The following TEF variants were observed in gnomAD, a reference collection of about 807,000 sequenced individuals.
TEF encodes thyrotroph embryonic factor.
TEF carries 3 observed loss-of-function variants against 20.8 expected under a neutral mutation model. The ratio of observed to expected loss-of-function variants is 0.14; its 90% CI spans 0.07 to 0.37. The LOEUF is 0.37. Among genes scored for constraint, TEF ranks in the 10% least tolerant of loss-of-function variants. The pLI, the probability that TEF is intolerant of heterozygous loss-of-function variation, is 1.00. For missense variants in TEF, 296 were observed against 397.9 expected (o/e 0.74, Z 2.18); for synonymous variants, 180 against 171.1 (o/e 1.05, Z -0.41).
chr22:41,370,827 C>T (rs1228415363), intron 1 of TEF, among the ~76,000 whole-genome samples: 1 of 152,122 alleles, frequency 6.6e-6, no homozygotes, highest in Non-Finnish European at 1.5e-5. Context: ...TCTTTCCTGT[C>T]CCTGGATAAA....
upstream of TEF, chr22:41,381,919 C>G: frequency 8.2e-7 from 1 of 1,226,044 alleles, no homozygotes; most frequent in Non-Finnish European, 1.0e-6. Flanking sequence ...TGGAAGGAGG[C>G]GGGGGCGCCA....
chr22:41,367,638 G>C, intron 1 of TEF: 1 of 1,544,742 alleles, frequency 6.5e-7, no homozygotes, highest in South Asian at 1.2e-5. Flanking sequence ...GGCTGCCCAG[G>C]TACTCGAGGG....
chr22:41,379,232 G>A (rs1286691180), upstream of TEF, among the ~76,000 whole-genome samples: 2 of 152,216 alleles, frequency 1.3e-5, no homozygotes, highest in Non-Finnish European at 1.5e-5. Flanking sequence ...CAGCTACTCC[G>A]GAGGCTGAGG....
Position 41,396,066 on chromosome 22 carries a change from CA to C in TEF, c.*107del. On this transcript the variant is annotated 3_prime_UTR_variant, in exon 4 of 4. Coordinates refer to ENST00000266304, the MANE Select transcript of TEF (RefSeq NM_003216.4). ...GGAGACTTATGACTCGTCGTGGGCG[CA>C]TGGCGGCGCACCTGCTGCAGGAGCG... 1 of 1,246,384 alleles carries C rather than the reference CA, an allele frequency of 8.0e-7. No individual in the cohort carries two copies. The highest frequency in any genetic ancestry group is 2.5e-5 in the East Asian group (1 of 40,364). The allele number at this position is 1,246,384 out of a possible 1,614,324, so 77.2% of individuals were successfully genotyped here.
intron 2 of TEF, among the ~76,000 whole-genome samples, chr22:41,389,132 G>T (rs1311655731): frequency 6.6e-6 from 1 of 152,124 alleles, no homozygotes. Context: ...CGGGCGCAGT[G>T]GCTCACGTCT....
chr22:41,399,078 T>TG lies in TEF; in HGVS notation c.*3122dup, dbSNP rs1352876659. On this transcript the variant is annotated 3_prime_UTR_variant, in exon 4 of 4. Coordinates refer to ENST00000266304, the MANE Select transcript of TEF (RefSeq NM_003216.4). ...AGTGCATGTGATGTGATAGAGTGTG[T>TG]GGGGCTCTGTGTCCTTCCCTGGGAG... 1 of 152,652 alleles carries TG rather than the reference T, an allele frequency of 6.6e-6. No homozygotes were observed. Among genetic ancestry groups the TG allele is most frequent in the Non-Finnish European group, 1.5e-5 (1 of 68,056 alleles). The allele number at this position is 152,652 out of a possible 1,614,324, so 9.5% of individuals were successfully genotyped here.
intron 1 of TEF, among the ~76,000 whole-genome samples, chr22:41,372,786 G>A (rs1470835765): frequency 2.6e-5 from 4 of 152,004 alleles, no homozygotes; most frequent in Non-Finnish European, 5.9e-5. Flanking sequence ...TGGTGGTCAG[G>A]ACCAGCCTCT....
At chr22:41,378,348 T>C (rs1207034504), upstream of TEF, among the ~76,000 whole-genome samples, 1 of 144,846 alleles carries the variant, frequency 6.9e-6, no homozygotes, top group African/African-American at 2.6e-5. Flanking sequence ...TTTGCCTTTT[T>C]TTTTTTTTTT....
chr22:41,375,522 G>A (rs930575997), intron 1 of TEF, among the ~76,000 whole-genome samples: 36 of 152,118 alleles, frequency 2.4e-4, no homozygotes, highest in African/African-American at 7.2e-4. Context: ...AGGCCGAGGC[G>A]GGCGGATCGC....
At chr22:41,373,364 C>T (rs1292781083) in intron 1 of TEF, among the ~76,000 whole-genome samples, 2 of 152,206 alleles carry the variant, frequency 1.3e-5, no homozygotes, top group Non-Finnish European at 1.5e-5. Context: ...TAATTTTTGA[C>T]TCCCCAAAAG....
At position 41,397,211 on chromosome 22, in the gene TEF, C is replaced by A. The variant is rs556476809; in HGVS notation, c.*1251C>A. Reference sequence around the variant, plus strand: ...CCTAGGGTCCCCTCAGTCTTGGTCCCAGGAGATGGGGGCCACTCGTGAGGC... The same window carrying A: ...CCTAGGGTCCCCTCAGTCTTGGTCCAAGGAGATGGGGGCCACTCGTGAGGC... On this transcript the variant is annotated 3_prime_UTR_variant, in exon 4 of 4. Transcript: ENST00000266304. 52 of 398,100 alleles carry A rather than the reference C, an allele frequency of 1.3e-4. No individual in the cohort carries two copies. Among genetic ancestry groups the A allele is most frequent in the Non-Finnish European group, 1.9e-4 (44 of 225,992 alleles). The allele number at this position is 398,100 out of a possible 1,614,324, so 24.7% of individuals were successfully genotyped here.
intron 3 of TEF, among the ~76,000 whole-genome samples, chr22:41,394,779 C>G (rs571366178): frequency 6.6e-6 from 1 of 152,224 alleles, no homozygotes; most frequent in Non-Finnish European, 1.5e-5. Context: ...GAAAAACTTA[C>G]AGCAAGGATT....
chr22:41,371,498 T>C (rs200455019), intron 1 of TEF, among the ~76,000 whole-genome samples: 3 of 136,346 alleles, frequency 2.2e-5, no homozygotes, highest in Admixed American at 6.8e-5. Context: ...CTTGCCCCCC[T>C]CTCTCTCCAT....
At chr22:41,379,911 AAAAAGAAAAG>A (rs201242427), upstream of TEF, among the ~76,000 whole-genome samples, 7 of 126,098 alleles carry the variant, frequency 5.6e-5, no homozygotes, top group East Asian at 2.0e-4. Context: ...AAAAAAAGAA[AAAAAGAAAAG>A]AAAAGAAAAG....
At chr22:41,376,337 A>C (rs2036941742) in intron 1 of TEF, among the ~76,000 whole-genome samples, 1 of 152,172 alleles carries the variant, frequency 6.6e-6, no homozygotes, top group East Asian at 1.9e-4. Flanking sequence ...CCTGGGTTCA[A>C]GTGATTCTCC....
chr22:41,381,430 C>A (rs950973154), upstream of TEF, among the ~76,000 whole-genome samples: 5 of 152,186 alleles, frequency 3.3e-5, no homozygotes, highest in African/African-American at 1.2e-4. Flanking sequence ...CCAGACTCGG[C>A]TGCGGCTCCA....
At chr22:41,381,884 A>G, upstream of TEF, 2 of 1,225,402 alleles carry the variant, frequency 1.6e-6, no homozygotes, top group Non-Finnish European at 2.0e-6. Context: ...AATGTGCCAG[A>G]GCCGGTCCGC....
intron 2 of TEF, among the ~76,000 whole-genome samples, chr22:41,388,552 C>T (rs2037126791): frequency 6.6e-6 from 1 of 150,390 alleles, no homozygotes; most frequent in African/African-American, 2.4e-5. Flanking sequence ...ACCTACTAGC[C>T]TGGGCAACAG....
chr22:41,395,407 C>T (rs1258503954), intron 3 of TEF, among the ~76,000 whole-genome samples: 2 of 152,126 alleles, frequency 1.3e-5, no homozygotes, highest in African/African-American at 2.4e-5. Context: ...GATCTGAACT[C>T]GGGGATCTAG....
Sources: allele counts gnomAD v4.1 joint callset (sites outside exome capture counted in the v4.1 genomes callset), GRCh38; gene constraint gnomAD v4.1.1; transcripts MANE v1.5; gene names NCBI Gene and HGNC (gene_info 2026-07-23, HGNC 2026-07-21).